Variants in NRXN3 observed in about 807,000 individuals in gnomAD.
The protein encoded by NRXN3 is neurexin III.
Under a neutral mutation model 137.6 loss-of-function variants are expected in NRXN3, and 32 were observed. That is an observed-to-expected ratio of 0.23 (90% CI 0.18 to 0.31). The LOEUF (loss-of-function observed/expected upper bound fraction) is 0.31, where lower values mean the gene tolerates loss of function less well. Among genes scored for constraint, NRXN3 ranks in the 10% least tolerant of loss-of-function variants. NRXN3 has a pLI of 1.00. For missense variants in NRXN3, 1,574 were observed against 2,062.5 expected (o/e 0.76, Z 4.59); for synonymous variants, 798 against 784.5 (o/e 1.02, Z -0.29).
At chr14:79,816,132 C>A (rs2099250728) in intron 20 of NRXN3, among the ~76,000 whole-genome samples, 1 of 152,134 alleles carries the variant, frequency 6.6e-6, no homozygotes, top group South Asian at 2.1e-4. Context: ...CTAGCTTGGT[C>A]ATCTTACAGT....
intron 16 of NRXN3, among the ~76,000 whole-genome samples, chr14:79,474,764 C>G (rs1225121886): frequency 6.6e-6 from 1 of 151,858 alleles, no homozygotes; most frequent in Non-Finnish European, 1.5e-5. Flanking sequence ...TTTTATCGAC[C>G]ATGGGAAATG....
intron 6 of NRXN3, among the ~76,000 whole-genome samples, chr14:78,694,902 G>T (rs186185952): frequency 3.4e-4 from 51 of 152,090 alleles, no homozygotes; most frequent in African/African-American, 1.1e-3. Flanking sequence ...AGCAGTGGGA[G>T]GGTGTATTAA....
At chr14:78,192,065 AGTGTGTGTGTGT>A (rs34445474) in intron 1 of NRXN3, among the ~76,000 whole-genome samples, 1,550 of 142,956 alleles carry the variant, frequency 0.011, 23 homozygotes, top group African/African-American at 0.031. Flanking sequence ...GCTGCCCGAA[AGTGTGTGTGTGT>A]GTGTGTGTGT....
chr14:79,481,516 G>A (rs969587950), intron 16 of NRXN3, among the ~76,000 whole-genome samples: 5 of 152,174 alleles, frequency 3.3e-5, no homozygotes, highest in African/African-American at 7.2e-5. Context: ...TTCCTGTGAC[G>A]AATACTGTAG....
intron 4 of NRXN3, among the ~76,000 whole-genome samples, chr14:78,341,962 C>T (rs2082194376): frequency 6.6e-6 from 1 of 152,170 alleles, no homozygotes; most frequent in Non-Finnish European, 1.5e-5. Context: ...CTGGTTTTTA[C>T]CTTGCTCTCT....
At chr14:78,318,283 A>G (rs2078941753) in intron 4 of NRXN3, among the ~76,000 whole-genome samples, 1 of 152,170 alleles carries the variant, frequency 6.6e-6, no homozygotes, top group Non-Finnish European at 1.5e-5. Context: ...TTGACATGAA[A>G]AGAGGCAGGG....
chr14:79,737,470 T>A (rs1057007976), intron 19 of NRXN3, among the ~76,000 whole-genome samples: 2 of 152,238 alleles, frequency 1.3e-5, no homozygotes, highest in Non-Finnish European at 2.9e-5. Flanking sequence ...TATAGTGGTA[T>A]ATAATTACTA....
chr14:78,856,999 C>T (rs1411988165), intron 10 of NRXN3, among the ~76,000 whole-genome samples: 1 of 152,168 alleles, frequency 6.6e-6, no homozygotes, highest in Non-Finnish European at 1.5e-5. Flanking sequence ...TCCCAAAGTG[C>T]TGGGATTACA....
intron 4 of NRXN3, among the ~76,000 whole-genome samples, chr14:78,585,931 G>T (rs2097057955): frequency 6.6e-6 from 1 of 152,194 alleles, no homozygotes. Flanking sequence ...GCATACACAT[G>T]CTATTTAGAG....
intron 10 of NRXN3, among the ~76,000 whole-genome samples, chr14:78,897,354 T>A (rs1282335277): frequency 6.6e-6 from 1 of 151,908 alleles, no homozygotes; most frequent in Admixed American, 6.6e-5. Context: ...ATTGCTTTTT[T>A]TTTCTTTCTT....
chr14:78,987,586 G>A (rs1042725261), intron 14 of NRXN3, among the ~76,000 whole-genome samples: 15 of 151,320 alleles, frequency 9.9e-5, no homozygotes, highest in Admixed American at 4.6e-4. Context: ...TTTATGTCAC[G>A]AAGTAGATAT....
intron 10 of NRXN3, among the ~76,000 whole-genome samples, chr14:78,929,157 T>C (rs180842129): frequency 7.9e-5 from 12 of 152,330 alleles, no homozygotes; most frequent in Admixed American, 4.6e-4. Flanking sequence ...TTTGATTTTT[T>C]CTTGTAAATT....
chr14:79,819,150 TGTAA>T (rs1193295324), intron 20 of NRXN3, among the ~76,000 whole-genome samples: 1 of 152,138 alleles, frequency 6.6e-6, no homozygotes, highest in Non-Finnish European at 1.5e-5. Flanking sequence ...AGGGCTGGGG[TGTAA>T]GTATTTTACA....
intron 15 of NRXN3, among the ~76,000 whole-genome samples, chr14:79,360,573 A>G (rs993897460): frequency 7.9e-5 from 12 of 152,340 alleles, no homozygotes; most frequent in African/African-American, 2.9e-4. Flanking sequence ...CTGAAAGATG[A>G]ATGCTCAGTA....
At chr14:78,235,887 T>C (rs1325374447) in intron 1 of NRXN3, among the ~76,000 whole-genome samples, 2 of 152,050 alleles carry the variant, frequency 1.3e-5, no homozygotes, top group Non-Finnish European at 2.9e-5. Flanking sequence ...AGGACTAGGG[T>C]ATAGAGTGGG....
chr14:79,506,428 C>T (rs1258552058), intron 16 of NRXN3, among the ~76,000 whole-genome samples: 1 of 152,136 alleles, frequency 6.6e-6, no homozygotes, highest in African/African-American at 2.4e-5. Context: ...TGCTCAGGAA[C>T]AATATTTGCT....
chr14:78,947,186 G>C (rs904404992), intron 10 of NRXN3, among the ~76,000 whole-genome samples: 35 of 152,150 alleles, frequency 2.3e-4, no homozygotes, highest in Non-Finnish European at 2.9e-5. Flanking sequence ...CTGTGTGGCA[G>C]CTACCTCTGT....
chr14:79,779,936 C>T (rs1221130264), intron 19 of NRXN3, among the ~76,000 whole-genome samples: 1 of 152,248 alleles, frequency 6.6e-6, no homozygotes, highest in South Asian at 2.1e-4. Context: ...GCAATCTCAG[C>T]TTACAGCAAC....
intron 15 of NRXN3, among the ~76,000 whole-genome samples, chr14:79,046,800 A>G (rs1028491029): frequency 2.0e-5 from 3 of 152,344 alleles, no homozygotes; most frequent in Non-Finnish European, 4.4e-5. Flanking sequence ...CTGATGCAAT[A>G]GTCATCCAGT....
Sources: gnomAD v4.1 joint callset for allele counts (sites outside exome capture counted in the v4.1 genomes callset) on GRCh38, gnomAD v4.1.1 for gene constraint, MANE v1.5 for transcripts, NCBI Gene and HGNC (gene_info 2026-07-23, HGNC 2026-07-21) for gene names.